SCLT1: variants seen among roughly 807,000 people sequenced by gnomAD.
The protein encoded by SCLT1 is sodium channel-associated protein 1.
A neutral mutation model predicts 112.8 loss-of-function variants in SCLT1; 78 were observed. The observed-to-expected ratio is 0.69, with a 90% CI of 0.58 to 0.83. The LOEUF (loss-of-function observed/expected upper bound fraction) is 0.83. Among genes scored for constraint, SCLT1 ranks in the 40% least tolerant of loss-of-function variants. The probability of loss-of-function intolerance (pLI) is 0.00; values close to 1 mark genes in which losing one functional copy is unlikely to be tolerated. For synonymous variants in SCLT1, 257 were observed against 254.7 expected (o/e 1.01, Z -0.09); for missense variants, 747 against 770.4 (o/e 0.97, Z 0.36).
At chr4:128,900,383 A>G (rs1417792060) in intron 18 of SCLT1, among the ~76,000 whole-genome samples, 1 of 152,164 alleles carries the variant, frequency 6.6e-6, no homozygotes, top group Non-Finnish European at 1.5e-5. Flanking sequence ...CATATCTACA[A>G]CCATCTGGTC....
downstream of SCLT1, among the ~76,000 whole-genome samples, chr4:128,882,752 C>T (rs1732670563): frequency 6.6e-6 from 1 of 152,038 alleles, no homozygotes; most frequent in African/African-American, 2.4e-5. Flanking sequence ...AACTACGGTG[C>T]ACTATTAAGA....
chr4:129,091,756 C>A (rs986248089), intron 1 of SCLT1, among the ~76,000 whole-genome samples: 1 of 152,122 alleles, frequency 6.6e-6, no homozygotes, highest in Non-Finnish European at 1.5e-5. Flanking sequence ...CAAGAGGATT[C>A]TTGTGTTCTT....
chr4:129,092,224 T>C (rs1412295342), intron 1 of SCLT1, among the ~76,000 whole-genome samples: 2 of 152,326 alleles, frequency 1.3e-5, no homozygotes, highest in East Asian at 1.9e-4. Context: ...ATCCAGCCCC[T>C]TTCTACGCCT....
At chr4:128,877,177 T>C (rs923417797) in intron 3 of SCLT1, among the ~76,000 whole-genome samples, 18 of 152,226 alleles carry the variant, frequency 1.2e-4, no homozygotes, top group African/African-American at 4.3e-4. Context: ...CAAAGGTTTA[T>C]CAAGTGGCAG....
intron 2 of SCLT1, among the ~76,000 whole-genome samples, chr4:129,074,529 G>GA (rs1039969754): frequency 6.6e-6 from 1 of 151,982 alleles, no homozygotes; most frequent in African/African-American, 2.4e-5. Context: ...AGCAGTAATA[G>GA]AAAAAATCAT....
At chr4:129,053,727 T>G (rs2125716257) in intron 2 of SCLT1, among the ~76,000 whole-genome samples, 1 of 152,178 alleles carries the variant, frequency 6.6e-6, no homozygotes, top group South Asian at 2.1e-4. Flanking sequence ...TCTGTGTCTT[T>G]TAATTGGGGC....
At chr4:128,950,931 G>A (rs1254647065) in intron 14 of SCLT1, among the ~76,000 whole-genome samples, 1 of 152,096 alleles carries the variant, frequency 6.6e-6, no homozygotes, top group Non-Finnish European at 1.5e-5. Flanking sequence ...TGTTAGGTAC[G>A]TGTTGGTCTC....
intron 15 of SCLT1, among the ~76,000 whole-genome samples, chr4:128,946,845 C>G (rs1228778251): frequency 2.6e-5 from 4 of 152,166 alleles, no homozygotes; most frequent in Non-Finnish European, 2.9e-5. Flanking sequence ...GGGGCTTCCC[C>G]CTTCCTCGGC....
chr4:128,896,612 A>G (rs901554533), intron 18 of SCLT1, among the ~76,000 whole-genome samples: 1 of 152,240 alleles, frequency 6.6e-6, no homozygotes. Context: ...TAAAAATCAG[A>G]GTGCCTCTTC....
chr4:128,948,022 G>A (rs1415661807), intron 15 of SCLT1, among the ~76,000 whole-genome samples: 8 of 151,898 alleles, frequency 5.3e-5, no homozygotes, highest in Non-Finnish European at 1.0e-4. Context: ...GAATACAGCC[G>A]CCCTTGGAAA....
downstream of SCLT1, among the ~76,000 whole-genome samples, chr4:128,882,679 A>G (rs976688955): frequency 5.9e-5 from 9 of 152,188 alleles, no homozygotes; most frequent in Non-Finnish European, 7.3e-5. Context: ...GGAAGATGAC[A>G]TTAAAGAAAA....
At chr4:129,026,270 C>T (rs985671924) in intron 5 of SCLT1, among the ~76,000 whole-genome samples, 2 of 152,162 alleles carry the variant, frequency 1.3e-5, no homozygotes, top group African/African-American at 4.8e-5. Flanking sequence ...CCACACCACA[C>T]CTATTCCAAA....
At chr4:128,900,550 G>A (rs1394206749) in intron 18 of SCLT1, among the ~76,000 whole-genome samples, 1 of 152,164 alleles carries the variant, frequency 6.6e-6, no homozygotes, top group Admixed American at 6.5e-5. Context: ...AGACTTAAAT[G>A]TTAGACCTAA....
chr4:129,042,731 G>A (rs974971921), intron 4 of SCLT1, among the ~76,000 whole-genome samples: 1 of 151,950 alleles, frequency 6.6e-6, no homozygotes, highest in Non-Finnish European at 1.5e-5. Context: ...CTAAAGCCTC[G>A]ACCTCCCAGG....
chr4:129,092,754 G>A (rs1265530366), intron 1 of SCLT1, among the ~76,000 whole-genome samples: 1 of 152,144 alleles, frequency 6.6e-6, no homozygotes, highest in Non-Finnish European at 1.5e-5. Context: ...AGAGAGCTGT[G>A]CCCCTAGATT....
chr4:128,905,506 C>T (rs1423882221), intron 18 of SCLT1, among the ~76,000 whole-genome samples: 1 of 134,090 alleles, frequency 7.5e-6, no homozygotes, highest in Non-Finnish European at 1.6e-5. Flanking sequence ...CAGTGATTTC[C>T]CACTGCTGCA....
intron 5 of SCLT1, 70 bp downstream of exon 5, chr4:129,038,971 T>C: frequency 1.0e-6 from 1 of 955,764 alleles, no homozygotes; most frequent in Non-Finnish European, 1.7e-6. Context: ...AGCTATCAAA[T>C]ATCAAATAAC....
At chr4:129,049,364 C>T (rs369473953) in intron 2 of SCLT1, among the ~76,000 whole-genome samples, 2 of 151,442 alleles carry the variant, frequency 1.3e-5, no homozygotes, top group Non-Finnish European at 2.9e-5. Flanking sequence ...TCATTCTCAG[C>T]AAACTATCGC....
intron 18 of SCLT1, among the ~76,000 whole-genome samples, chr4:128,923,300 G>T (rs1354391120): frequency 6.6e-6 from 1 of 151,904 alleles, no homozygotes; most frequent in African/African-American, 2.4e-5. Flanking sequence ...ACAAGATTTA[G>T]CTGGGCGTGG....
Sources: allele counts gnomAD v4.1 joint callset (sites outside exome capture counted in the v4.1 genomes callset), GRCh38; gene constraint gnomAD v4.1.1; transcripts MANE v1.5; gene names NCBI Gene and HGNC (gene_info 2026-07-23, HGNC 2026-07-21).